TRIO: variants seen among roughly 807,000 people sequenced by gnomAD.
TRIO encodes trio Rho guanine nucleotide exchange factor, also known as triple functional domain protein.
A neutral mutation model predicts 351.9 loss-of-function variants in TRIO; 58 were observed. The ratio of observed to expected loss-of-function variants is 0.16; its 90% CI spans 0.13 to 0.21. The LOEUF (loss-of-function observed/expected upper bound fraction) is 0.21. Among genes scored for constraint, TRIO ranks in the 10% least tolerant of loss-of-function variants. The pLI is 1.00. For missense variants in TRIO, 3,201 were observed against 4,027.8 expected (o/e 0.79, Z 5.56); for synonymous variants, 1,758 against 1,595.7 (o/e 1.10, Z -2.42).
At chr5:14,147,739 T>A (rs545141669) in intron 1 of TRIO, among the ~76,000 whole-genome samples, 3 of 152,182 alleles carry the variant, frequency 2.0e-5, no homozygotes, top group Non-Finnish European at 4.4e-5. Flanking sequence ...TGAGAGAAGC[T>A]TTTCTTCATA....
chr5:14,291,345 T>C, intron 5 of TRIO, 117 bp downstream of exon 5: 1 of 1,104,086 alleles, frequency 9.1e-7, no homozygotes, highest in Non-Finnish European at 1.3e-6. Flanking sequence ...CCGTGTGTGC[T>C]CTAAACCAGC....
Position 14,366,921 on chromosome 5 carries a change from C to T in TRIO, c.2816C>T (p.Ser939Leu). 2 of 1,614,178 alleles carry T rather than the reference C, an allele frequency of 1.2e-6. No homozygotes were observed. Among genetic ancestry groups the T allele is most frequent in the South Asian group, 1.1e-5 (1 of 91,090 alleles). Residue 939 changes from serine to leucine, a missense_variant, in exon 16 of 57, where the codon TCG becomes TTG. By Grantham distance (145) the Ser-to-Leu change is moderately radical (BLOSUM62 -2). This residue lies in a region of TRIO where 363 missense variants were observed against 553.5 expected (regional missense o/e 0.66). Transcript: ENST00000344204. ...AATGCCGGACTTATCACAGCCAGCT[C>T]GTTACAAGAGGCAGAGCAGCTCCAG... is the stretch of plus-strand genomic sequence containing the variant. ...MLNAGLITAS[S>L]LQEAEQLQRE...
At chr5:14,293,793 T>C (rs1445723453) in intron 6 of TRIO, among the ~76,000 whole-genome samples, 1 of 152,260 alleles carries the variant, frequency 6.6e-6, no homozygotes, top group Non-Finnish European at 1.5e-5. Context: ...GTTACAGTTT[T>C]ATAGTTAATG....
Position 14,509,313 on chromosome 5 carries a change from C to T in TRIO, c.*891C>T. 1 of 404,938 alleles carries T rather than the reference C, an allele frequency of 2.5e-6. No individual in the cohort carries two copies. The highest frequency in any genetic ancestry group is 4.8e-6 in the Non-Finnish European group (1 of 208,804). 25.1% of individuals were successfully genotyped at this position (404,938 alleles called of 1,614,324 possible). A position where few individuals can be genotyped will look rare whatever the true frequency, so the allele number is the denominator to read the frequency against. ...CATTTTATGCAACTATTTATGAAGACCTCTGTTGTACCTGTAATAAATATA... is the reference window on the plus strand; with the variant it reads ...CATTTTATGCAACTATTTATGAAGATCTCTGTTGTACCTGTAATAAATATA... On this transcript the variant is annotated 3_prime_UTR_variant, in exon 57 of 57. Transcript: ENST00000344204.
At chr5:14,423,398 C>G (rs984842323) in intron 34 of TRIO, among the ~76,000 whole-genome samples, 1 of 152,224 alleles carries the variant, frequency 6.6e-6, no homozygotes, top group Non-Finnish European at 1.5e-5. Context: ...AATCCAAGTT[C>G]TCTTTCCTTC....
At chr5:14,372,169 T>G (rs1745168609) in intron 18 of TRIO, among the ~76,000 whole-genome samples, 1 of 147,836 alleles carries the variant, frequency 6.8e-6, no homozygotes, top group South Asian at 2.1e-4. Context: ...TTTGTAGATT[T>G]TTGTTAGGTT....
Position 14,508,341 on chromosome 5 carries a change from G to A in TRIO, c.9213G>A (p.Glu3071=). The A allele has an allele frequency of 6.2e-7, 1 of 1,614,072 alleles. No individual in the cohort carries two copies. The highest frequency in any genetic ancestry group is 8.5e-7 in the Non-Finnish European group (1 of 1,180,054). Residue 3071 remains glutamate (E), a synonymous_variant, in exon 57 of 57, where the codon GAG becomes GAA. Coordinates refer to ENST00000344204, the MANE Select transcript of TRIO (RefSeq NM_007118.4). ...CGTCCAGACTGACTTCCTTCATTGAGCGGCGCAAACACCAGAATGATGTTC... is the reference window on the plus strand; with the variant it reads ...CGTCCAGACTGACTTCCTTCATTGAACGGCGCAAACACCAGAATGATGTTC... ...LDTSRLTSFI[E]RRKHQNDVRP... is the part of the protein sequence containing the mutation.
intron 2 of TRIO, among the ~76,000 whole-genome samples, chr5:14,271,691 C>T (rs1014226716): frequency 2.6e-5 from 4 of 152,216 alleles, no homozygotes; most frequent in African/African-American, 9.6e-5. Context: ...TGTAGATTGT[C>T]GTCACATGCT....
chr5:14,500,004 T>C (rs1026721707), intron 53 of TRIO, among the ~76,000 whole-genome samples: 2 of 140,984 alleles, frequency 1.4e-5, no homozygotes, highest in African/African-American at 5.4e-5. Flanking sequence ...TGAGCCGAGA[T>C]CATGCCACTG....
chr5:14,260,095 G>A (rs557608368), intron 1 of TRIO, among the ~76,000 whole-genome samples: 77 of 152,274 alleles, frequency 5.1e-4, no homozygotes, highest in African/African-American at 1.7e-3. Context: ...TGTTACTTAC[G>A]TTATTATTCA....
intron 34 of TRIO, among the ~76,000 whole-genome samples, chr5:14,453,677 T>A (rs1275158665): frequency 6.6e-6 from 1 of 152,222 alleles, no homozygotes; most frequent in African/African-American, 2.4e-5. Context: ...TCAGGCCCTT[T>A]GACAAGTCCA....
At chr5:14,178,407 A>G (rs1161644889) in intron 1 of TRIO, among the ~76,000 whole-genome samples, 4 of 152,224 alleles carry the variant, frequency 2.6e-5, no homozygotes, top group African/African-American at 9.6e-5. Flanking sequence ...GAACCCTCTT[A>G]TGGTGTGGAT....
intron 10 of TRIO, among the ~76,000 whole-genome samples, chr5:14,331,547 AATATAGATTTATT>A (rs1180485358): frequency 1.3e-5 from 2 of 152,196 alleles, no homozygotes; most frequent in African/African-American, 4.8e-5. Context: ...AAATGTACTA[AATATAGATTTATT>A]ATATAGAACA....
chr5:14,166,123 G>C (rs903504923), intron 1 of TRIO, among the ~76,000 whole-genome samples: 2 of 152,216 alleles, frequency 1.3e-5, no homozygotes, highest in African/African-American at 4.8e-5. Context: ...TTGTGGGGCA[G>C]GAATTTAGGG....
chr5:14,496,401 C>T (rs1349702865), intron 49 of TRIO, among the ~76,000 whole-genome samples: 1 of 152,214 alleles, frequency 6.6e-6, no homozygotes, highest in African/African-American at 2.4e-5. Context: ...GCACGTGGTG[C>T]AGGCTGAGCC....
chr5:14,454,557 T>C (rs1030493565), intron 34 of TRIO, among the ~76,000 whole-genome samples: 1 of 152,192 alleles, frequency 6.6e-6, no homozygotes, highest in African/African-American at 2.4e-5. Flanking sequence ...ATGCATAGGC[T>C]GAGAAATAAT....
At chr5:14,330,646 ATT>A (rs34654449) in intron 9 of TRIO, 130 bp from the exon 10 acceptor site, 1 of 1,135,834 alleles carries the variant, frequency 8.8e-7, no homozygotes, top group Non-Finnish European at 1.2e-6. Flanking sequence ...ACTTCTTCCC[ATT>A]TTTTTTTCTC....
chr5:14,333,826 T>TA (rs1400256666), intron 10 of TRIO, among the ~76,000 whole-genome samples: 1 of 152,118 alleles, frequency 6.6e-6, no homozygotes, highest in Non-Finnish European at 1.5e-5. Context: ...GGCCTGGCCT[T>TA]ACCTTATTCC....
At chr5:14,415,222 A>AG (rs1749540289) in intron 33 of TRIO, among the ~76,000 whole-genome samples, 1 of 152,178 alleles carries the variant, frequency 6.6e-6, no homozygotes. Context: ...AATTGGTCAG[A>AG]ACCCACCTGC....
Sources: gnomAD v4.1 joint callset for allele counts (sites outside exome capture counted in the v4.1 genomes callset) on GRCh38, gnomAD v4.1.1 for gene constraint, gnomAD v4.1.1 regional missense constraint, MANE v1.5 for transcripts, NCBI Gene and HGNC (gene_info 2026-07-23, HGNC 2026-07-21) for gene names.